Variants in TOPORS observed in about 807,000 individuals in gnomAD.
The protein encoded by TOPORS is E3 ubiquitin-protein ligase Topors.
A neutral mutation model predicts 81.4 loss-of-function variants in TOPORS; 25 were observed. The observed-to-expected ratio is 0.31, with a 90% CI of 0.22 to 0.43. The LOEUF (loss-of-function observed/expected upper bound fraction) is 0.43, where lower values mean the gene tolerates loss of function less well. Among genes scored for constraint, TOPORS ranks in the 20% least tolerant of loss-of-function variants. The pLI is 1.00. For missense variants in TOPORS, 1,101 were observed against 1,267.0 expected, an observed-to-expected ratio of 0.87 and a Z score of 1.99; for synonymous variants, 473 against 456.6, an observed-to-expected ratio of 1.04 and a Z score of -0.46.
chr9:32,551,947 G>A, intron 1 of TOPORS: 1 of 307,084 alleles, frequency 3.3e-6, no homozygotes, highest in Non-Finnish European at 6.9e-6. Context: ...AAGATGAACA[G>A]GCGAACGTCC....
intron 1 of TOPORS, chr9:32,551,394 C>G (rs930393055): frequency 6.0e-6 from 2 of 333,406 alleles, no homozygotes; most frequent in African/African-American, 4.3e-5. Context: ...GGAAGCAACA[C>G]CAGGAGTCCA....
rs369435330 is a variant in TOPORS, at chr9:32,543,920, C to G, written c.605G>C (p.Arg202Thr). ...TCCACTATCCGGTGGAGTTGTTGTT[C>G]TTCTGTTCACAGGACCACTAGGTGA... ...VYSPSGPVNR[R>T]TTTPPDSGVL... is the part of the protein sequence containing the mutation. Residue 202 changes from arginine to threonine, a missense_variant, in exon 3 of 3, where the codon AGA (arginine) becomes ACA (threonine). Physicochemically the swap from Arg to Thr is moderately conservative, Grantham distance 71 (BLOSUM62 -1). This residue lies in a region of TOPORS where 120 missense variants were observed against 115.4 expected (regional missense o/e 1.04). Transcript: ENST00000360538. This position sits in a 1 kb window ranked among gnomAD's most constrained non-coding sequence, Gnocchi z 5.6. The G allele has an allele frequency of 2.0e-5, 32 of 1,613,960 alleles. No homozygotes were observed. Among genetic ancestry groups the G allele is most frequent in the Non-Finnish European group, 2.4e-5 (28 of 1,179,992 alleles).
At chr9:32,552,393 C>A in intron 1 of TOPORS, 41 bp downstream of exon 1, 2 of 1,604,468 alleles carry the variant, frequency 1.2e-6, no homozygotes, top group Non-Finnish European at 1.7e-6. Context: ...GTAAGGCCCG[C>A]AGCTCCCGCC....
chr9:32,546,147 T>C (rs1689296253), intron 2 of TOPORS, among the ~76,000 whole-genome samples: 1 of 152,172 alleles, frequency 6.6e-6, no homozygotes, highest in Admixed American at 6.5e-5. Flanking sequence ...TGCAAAAACA[T>C]CATCACTGTC....
chr9:32,550,167 T>C (rs1821208245), intron 2 of TOPORS, among the ~76,000 whole-genome samples: 1 of 152,200 alleles, frequency 6.6e-6, no homozygotes, highest in East Asian at 1.9e-4. Context: ...TAAATCACTA[T>C]GTGGCTCATC....
rs1457758069 is a variant in TOPORS, at chr9:32,541,804, T to C, written c.2721A>G (p.Val907=). The C allele has an allele frequency of 6.2e-7, 1 of 1,614,112 alleles. No homozygotes were observed. Among genetic ancestry groups the C allele is most frequent in the African/African-American group, 1.3e-5 (1 of 74,948 alleles). ...HGDNASRSPV[V]ITIDSDSDKD... is the part of the protein sequence containing the mutation. Reference sequence around the variant, plus strand: ...TATCACTGTCACTGTCAATGGTAATTACAACTGGGGAACGTGAAGCATTAT... The same window carrying C: ...TATCACTGTCACTGTCAATGGTAATCACAACTGGGGAACGTGAAGCATTAT... The change falls in exon 3 of 3, where the codon GTA becomes GTG. Residue 907 remains valine (V), a synonymous_variant. Coordinates refer to ENST00000360538, the MANE Select transcript of TOPORS (RefSeq NM_005802.5).
At chr9:32,552,170 T>A (rs112848192) in intron 1 of TOPORS, 22 of 550,398 alleles carry the variant, frequency 4.0e-5, no homozygotes, top group Admixed American at 1.0e-4. Context: ...ATCTCCTTAG[T>A]TGGCAAAAAA....
intron 2 of TOPORS, 90 bp downstream of exon 2, chr9:32,550,684 C>A: frequency 6.6e-7 from 1 of 1,507,334 alleles, no homozygotes; most frequent in East Asian, 2.3e-5. Flanking sequence ...TGACCGCAAC[C>A]CTCGGGTCCC....
In TOPORS at chr9:32,541,361, A is replaced by C; in HGVS notation, c.*26T>G. On this transcript the variant is annotated 3_prime_UTR_variant, in exon 3 of 3. Transcript: ENST00000360538. Reference sequence around the variant, plus strand: ...CCTTTTTCCTTTTTATAACATCATAATTCTCAATGAAATGCTTTGGCAGTT... The same window carrying C: ...CCTTTTTCCTTTTTATAACATCATACTTCTCAATGAAATGCTTTGGCAGTT... 6.2e-7 allele frequency: 1 copy of C among 1,611,948 alleles called. No individual in the cohort carries two copies. The highest frequency in any genetic ancestry group is 1.3e-5 in the African/African-American group (1 of 74,986).
intron 2 of TOPORS, among the ~76,000 whole-genome samples, chr9:32,546,445 C>G (rs1404534880): frequency 6.6e-6 from 1 of 152,170 alleles, no homozygotes; most frequent in Non-Finnish European, 1.5e-5. Context: ...AGAACTAGCT[C>G]TAGTTAATGT....
chr9:32,552,408 C>T, intron 1 of TOPORS, 26 bp downstream of exon 1: 2 of 1,608,734 alleles, frequency 1.2e-6, no homozygotes, highest in Non-Finnish European at 1.7e-6. Context: ...CCCGCCAGCT[C>T]CCGCGGACTG....
chr9:32,549,918 C>T (rs1281804091), intron 2 of TOPORS, among the ~76,000 whole-genome samples: 1 of 152,124 alleles, frequency 6.6e-6, no homozygotes, highest in Non-Finnish European at 1.5e-5. Context: ...TTATCCAGAT[C>T]CTATCAAATT....
rs1191429540 is a variant in TOPORS, at chr9:32,541,913, T to C, written c.2612A>G (p.Tyr871Cys). The C allele has an allele frequency of 1.9e-6, 3 of 1,614,038 alleles. No homozygotes were observed. The highest frequency in any genetic ancestry group is 1.6e-4 in the Middle Eastern group (1 of 6,062). ...KTRSLSVEIV[Y>C]EGKATDTTKH... ...AGTTGTATCAGTAGCTTTTCCTTCA[T>C]AAACTATCTCTACACTTAGGCTCCG... The change falls in exon 3 of 3, where the codon TAT (tyrosine) becomes TGT (cysteine). Residue 871 changes from tyrosine (Y) to cysteine (C), a missense_variant. Transcript: ENST00000360538.
chr9:32,552,389 C>T (rs1409101797), intron 1 of TOPORS, 45 bp downstream of exon 1: 10 of 1,606,098 alleles, frequency 6.2e-6, no homozygotes, highest in Non-Finnish European at 8.5e-6. Flanking sequence ...TACTGTAAGG[C>T]CCGCAGCTCC....
chr9:32,546,956 T>C (rs1821147686), intron 2 of TOPORS, among the ~76,000 whole-genome samples: 1 of 152,240 alleles, frequency 6.6e-6, no homozygotes, highest in Non-Finnish European at 1.5e-5. Context: ...GAGGATTAAC[T>C]GAGCCTGGGA....
At chr9:32,552,146 G>A in intron 1 of TOPORS, 1 of 580,880 alleles carries the variant, frequency 1.7e-6, no homozygotes, top group South Asian at 2.1e-5. Flanking sequence ...AAGAAAACCA[G>A]TGGAGGTACG....
rs369275689 is a variant in TOPORS, at chr9:32,543,634, G to A, written c.891C>T (p.Val297=). ...RRNPACLHRL[V]PWLKRELTVL... ...CTGTAAGTTCACGTTTTAACCAGGG[G>A]ACTAATCTGTGAAGGCAAGCTGGAT... is the stretch of plus-strand genomic sequence containing the variant. The change falls in exon 3 of 3, where the codon GTC becomes GTT. Residue 297 remains valine (V), a synonymous_variant. Transcript: ENST00000360538. This position sits in a 1 kb window ranked among gnomAD's most constrained non-coding sequence, Gnocchi z 5.6. 6 of 1,612,728 alleles carry A rather than the reference G, an allele frequency of 3.7e-6. No individual in the cohort carries two copies. Among genetic ancestry groups the A allele is most frequent in the South Asian group, 3.3e-5 (3 of 90,964 alleles).
Position 32,550,787 on chromosome 9 carries a change from G to A in TOPORS, c.185C>T (p.Pro62Leu), listed in dbSNP as rs1348615792. ...AATCTCACTCACCTCGGAGGATGCC[G>A]GCGCAGGCCTGGCTGGGGCGCTCGC... The part of the protein sequence containing the change: ...LAASAPARPA[P>L]ASSEIMASAA... The change falls in exon 2 of 3, where the codon CCG becomes CTG. Residue 62 changes from proline to leucine, a missense_variant. Around this residue, in one of 9 missense-constraint regions of TOPORS, gnomAD observed 131 missense variants for 101.0 expected, o/e 1.30. Coordinates refer to ENST00000360538, the MANE Select transcript of TOPORS (RefSeq NM_005802.5). 1.9e-6 allele frequency: 3 copies of A among 1,612,742 alleles called. No individual in the cohort carries two copies. The highest frequency in any genetic ancestry group is 3.3e-5 in the Admixed American group (2 of 59,986).
chr9:32,547,734 CAATT>C (rs796835939), intron 2 of TOPORS, among the ~76,000 whole-genome samples: 35 of 152,192 alleles, frequency 2.3e-4, no homozygotes, highest in African/African-American at 7.5e-4. Context: ...AAACGTTCTA[CAATT>C]AATTATTGTG....
Sources: gnomAD v4.1 joint callset for allele counts (sites outside exome capture counted in the v4.1 genomes callset) on GRCh38, gnomAD v4.1.1 for gene constraint, gnomAD v4.1.1 regional missense constraint, Gnocchi (gnomAD v3.1) non-coding constraint, MANE v1.5 for transcripts, NCBI Gene and HGNC (gene_info 2026-07-23, HGNC 2026-07-21) for gene names.